The following UGP2 variants were observed in gnomAD, a reference collection of about 807,000 sequenced individuals.
UGP2 encodes the protein UDP-glucose pyrophosphorylase 2.
In UGP2, 40 loss-of-function variants were observed where a neutral mutation model predicts 49.0. That is an observed-to-expected ratio of 0.82 (90% CI 0.63 to 1.06). UGP2 has a LOEUF of 1.06. Among genes scored for constraint, UGP2 ranks in the 50% least tolerant of loss-of-function variants. UGP2 has a pLI of 0.00. For missense variants in UGP2, 460 were observed against 603.5 expected (o/e 0.76, Z 2.49); for synonymous variants, 225 against 213.0 (o/e 1.06, Z -0.49).
chr2:63,881,711 C>T (rs1671331818), intron 3 of UGP2, among the ~76,000 whole-genome samples: 2 of 152,216 alleles, frequency 1.3e-5, no homozygotes, highest in African/African-American at 4.8e-5. Context: ...TTAAGGCCCT[C>T]TGCTCACAGA....
intron 3 of UGP2, among the ~76,000 whole-genome samples, chr2:63,870,122 C>T (rs935938507): frequency 6.6e-5 from 10 of 152,012 alleles, no homozygotes; most frequent in African/African-American, 2.2e-4. Context: ...TGGGGTTTCA[C>T]CATGTTAGCC....
At chr2:63,845,034 G>C (rs571428959) in intron 1 of UGP2, among the ~76,000 whole-genome samples, 3 of 152,172 alleles carry the variant, frequency 2.0e-5, no homozygotes, top group Admixed American at 2.0e-4. Context: ...GTAAGTGGAC[G>C]ATACTCTAAA....
intron 3 of UGP2, among the ~76,000 whole-genome samples, chr2:63,860,656 A>G (rs1228253761): frequency 2.0e-5 from 3 of 151,948 alleles, no homozygotes; most frequent in African/African-American, 7.3e-5. Flanking sequence ...GGGTAGTGGC[A>G]CAGTCATAGC....
At chr2:63,869,659 CT>C (rs1404349121) in intron 3 of UGP2, among the ~76,000 whole-genome samples, 1 of 152,140 alleles carries the variant, frequency 6.6e-6, no homozygotes, top group African/African-American at 2.4e-5. Flanking sequence ...CTAAGGCTGA[CT>C]TTAGTAACTG....
At chr2:63,886,231 G>A in intron 6 of UGP2, 110 bp from the exon 7 acceptor site, 1 of 1,098,968 alleles carries the variant, frequency 9.1e-7, no homozygotes, top group Non-Finnish European at 1.3e-6. Flanking sequence ...AATTTACTCT[G>A]TTTCTACATA....
At chr2:63,863,639 CA>C (rs559866055) in intron 3 of UGP2, among the ~76,000 whole-genome samples, 77 of 152,210 alleles carry the variant, frequency 5.1e-4, no homozygotes, top group South Asian at 2.7e-3. Flanking sequence ...GTTTGATTTA[CA>C]AAAAAGTTGC....
intron 3 of UGP2, among the ~76,000 whole-genome samples, chr2:63,870,375 T>G (rs1158907262): frequency 6.6e-6 from 1 of 152,232 alleles, no homozygotes; most frequent in Non-Finnish European, 1.5e-5. Flanking sequence ...GGGCTTGTGA[T>G]ATGTGATTGT....
chr2:63,875,452 T>C (rs1161542551), intron 3 of UGP2, among the ~76,000 whole-genome samples: 2 of 152,238 alleles, frequency 1.3e-5, no homozygotes, highest in Non-Finnish European at 2.9e-5. Context: ...AGTGTGTCTA[T>C]GACTGTGTGA....
intron 1 of UGP2, chr2:63,855,611 G>A (rs926903873): frequency 7.6e-6 from 3 of 394,600 alleles, no homozygotes; most frequent in South Asian, 5.3e-5. Context: ...GCGCGATCTC[G>A]CCTCACTGCA....
At chr2:63,878,401 A>G (rs1444183741) in intron 3 of UGP2, among the ~76,000 whole-genome samples, 2 of 152,180 alleles carry the variant, frequency 1.3e-5, no homozygotes, top group Non-Finnish European at 2.9e-5. Flanking sequence ...TATTTCTTCA[A>G]TCAGGTATGT....
intron 3 of UGP2, among the ~76,000 whole-genome samples, chr2:63,866,844 G>A (rs896376091): frequency 1.3e-4 from 20 of 152,024 alleles, no homozygotes; most frequent in East Asian, 3.9e-4. Context: ...CAGTCTAGGC[G>A]GATGCATTTT....
intron 1 of UGP2, among the ~76,000 whole-genome samples, chr2:63,843,506 C>G (rs1236602690): frequency 1.3e-5 from 2 of 152,178 alleles, no homozygotes; most frequent in Non-Finnish European, 2.9e-5. Context: ...CAAGTTACTT[C>G]TCTTTAAAAG....
intron 3 of UGP2, among the ~76,000 whole-genome samples, chr2:63,875,425 C>T (rs1402271285): frequency 6.6e-6 from 1 of 152,184 alleles, no homozygotes; most frequent in African/African-American, 2.4e-5. Flanking sequence ...CTGGGTTATC[C>T]TATTACTAAT....
At chr2:63,884,867 A>G (rs1671550060) in intron 5 of UGP2, among the ~76,000 whole-genome samples, 1 of 152,090 alleles carries the variant, frequency 6.6e-6, no homozygotes, top group Non-Finnish European at 1.5e-5. Context: ...ACTGTACTCC[A>G]GCCTAGGCAA....
In UGP2 at chr2:63,884,058, T is replaced by C. The variant is rs765553170; in HGVS notation, c.540T>C (p.His180=). ...DTKKILQKYN[H]CRVKIYTFNQ... ...AAAAAATACTACAGAAGTACAATCA[T>C]TGTCGTGTGAAAATCTACACTTTCA... is the stretch of plus-strand genomic sequence containing the variant. Residue 180 remains histidine, a synonymous_variant, in exon 5 of 10, where the codon CAT becomes CAC. Transcript: ENST00000337130. 2.5e-6 allele frequency: 4 copies of C among 1,612,816 alleles called. No individual in the cohort carries two copies. The highest frequency in any genetic ancestry group is 1.3e-5 in the African/African-American group (1 of 74,808).
chr2:63,845,351 CCAGT>C (rs769431922), intron 1 of UGP2, among the ~76,000 whole-genome samples: 1 of 152,186 alleles, frequency 6.6e-6, no homozygotes, highest in South Asian at 2.1e-4. Flanking sequence ...TATTAGGTAG[CCAGT>C]CAATTTTACT....
At chr2:63,874,908 G>A (rs1670813598) in intron 3 of UGP2, among the ~76,000 whole-genome samples, 1 of 152,068 alleles carries the variant, frequency 6.6e-6, no homozygotes, top group Non-Finnish European at 1.5e-5. Context: ...AGCAGATGCT[G>A]ACACCATGCT....
At chr2:63,876,875 A>C (rs920081160) in intron 3 of UGP2, among the ~76,000 whole-genome samples, 6 of 152,260 alleles carry the variant, frequency 3.9e-5, no homozygotes, top group Non-Finnish European at 8.8e-5. Flanking sequence ...AACAGTATTC[A>C]GAATTACATT....
At chr2:63,886,200 T>C (rs764842248) in intron 6 of UGP2, 141 bp from the exon 7 acceptor site, 8 of 899,930 alleles carry the variant, frequency 8.9e-6, no homozygotes, top group Non-Finnish European at 1.0e-5. Flanking sequence ...TTAAATGTTA[T>C]TTCATTGTCC....
Sources: gnomAD v4.1 joint callset for allele counts (sites outside exome capture counted in the v4.1 genomes callset) on GRCh38, gnomAD v4.1.1 for gene constraint, MANE v1.5 for transcripts, NCBI Gene and HGNC (gene_info 2026-07-23, HGNC 2026-07-21) for gene names.